ADGRB3: variants seen among roughly 807,000 people sequenced by gnomAD.
ADGRB3 encodes brain-specific angiogenesis inhibitor 3.
A neutral mutation model predicts 193.4 loss-of-function variants in ADGRB3; 37 were observed. The ratio of observed to expected loss-of-function variants is 0.19; its 90% CI spans 0.15 to 0.25. The LOEUF (loss-of-function observed/expected upper bound fraction) is 0.25. Ranked by LOEUF, ADGRB3 falls within the 10% of genes least tolerant of loss-of-function variation. The probability of loss-of-function intolerance (pLI) is 1.00; values close to 1 mark genes in which losing one functional copy is unlikely to be tolerated. For synonymous variants in ADGRB3, 690 were observed against 644.2 expected (o/e 1.07, Z -1.08); for missense variants, 1,637 against 1,852.9 (o/e 0.88, Z 2.14).
At chr6:68,829,608 A>T (rs1445243357) in intron 3 of ADGRB3, among the ~76,000 whole-genome samples, 2 of 152,176 alleles carry the variant, frequency 1.3e-5, no homozygotes, top group Admixed American at 1.3e-4. Flanking sequence ...ATTATTAAAT[A>T]TATTTTTAAC....
intron 3 of ADGRB3, among the ~76,000 whole-genome samples, chr6:68,653,137 A>T (rs185710602): frequency 1.3e-5 from 2 of 152,222 alleles, no homozygotes; most frequent in Admixed American, 1.3e-4. Flanking sequence ...TCTAGCATGG[A>T]TACCTGTACC....
intron 20 of ADGRB3, among the ~76,000 whole-genome samples, chr6:69,243,182 C>T (rs1287985447): frequency 1.3e-5 from 2 of 151,776 alleles, no homozygotes; most frequent in African/African-American, 4.8e-5. Context: ...TGGGAGATAG[C>T]TTCTCTCTCT....
At chr6:69,322,632 C>T (rs1768484143) in intron 20 of ADGRB3, among the ~76,000 whole-genome samples, 1 of 151,842 alleles carries the variant, frequency 6.6e-6, no homozygotes, top group South Asian at 2.1e-4. Flanking sequence ...TTTTCATACA[C>T]TTGTTGGCCG....
chr6:68,758,708 G>A (rs903480058), intron 3 of ADGRB3, among the ~76,000 whole-genome samples: 2 of 151,982 alleles, frequency 1.3e-5, no homozygotes, highest in African/African-American at 4.8e-5. Context: ...CATTTTTATA[G>A]CCCCTAGTTG....
At chr6:69,361,593 T>G in intron 29 of ADGRB3, 81 bp downstream of exon 29, 1 of 1,434,114 alleles carries the variant, frequency 7.0e-7, no homozygotes, top group Non-Finnish European at 9.4e-7. Context: ...GATTGGTTGA[T>G]TGATTGATGT....
At position 68,643,726 on chromosome 6, in the gene ADGRB3, C is replaced by G. The variant is rs1768138643; in HGVS notation, c.757+4294C>G. 1.3e-5 allele frequency among the ~76,000 whole-genome samples: 2 copies of G among 151,374 alleles called. 1 individual carries two copies. Among genetic ancestry groups the G allele is most frequent in the Admixed American group, 1.3e-4 (2 of 15,176 alleles). On this transcript the variant is annotated intron_variant, in intron 3 of 31. Transcript: ENST00000370598. Reference sequence around the variant, plus strand: ...AAGCGGGTGGACCATGAGGTCAGGACTTCAAGACCAGCCTGGCCAAGATGG... The same window carrying G: ...AAGCGGGTGGACCATGAGGTCAGGAGTTCAAGACCAGCCTGGCCAAGATGG...
intron 3 of ADGRB3, among the ~76,000 whole-genome samples, chr6:68,643,438 CT>C (rs765489730): frequency 1.5e-3 from 99 of 64,988 alleles, no homozygotes; most frequent in African/African-American, 3.5e-3. Flanking sequence ...CTTCATCTTC[CT>C]TTTTTTTTTT....
chr6:69,060,529 A>G (rs553094892), intron 15 of ADGRB3, among the ~76,000 whole-genome samples: 12 of 152,064 alleles, frequency 7.9e-5, no homozygotes, highest in Non-Finnish European at 1.6e-4. Flanking sequence ...CCAGTAATGT[A>G]TCCATTCATG....
intron 31 of ADGRB3, among the ~76,000 whole-genome samples, chr6:69,387,049 T>C (rs1770087755): frequency 6.6e-6 from 1 of 152,146 alleles, no homozygotes; most frequent in Non-Finnish European, 1.5e-5. Context: ...GATCCACACG[T>C]TCTGCCAACT....
intron 3 of ADGRB3, among the ~76,000 whole-genome samples, chr6:68,840,536 G>C (rs1166119837): frequency 2.0e-5 from 3 of 151,644 alleles, no homozygotes; most frequent in Non-Finnish European, 2.9e-5. Context: ...AGCTCGGACA[G>C]CCTGCCCCAA....
At chr6:68,930,078 A>G (rs1219473797) in intron 3 of ADGRB3, among the ~76,000 whole-genome samples, 1 of 151,868 alleles carries the variant, frequency 6.6e-6, no homozygotes, top group Non-Finnish European at 1.5e-5. Context: ...AAAAAAAAAA[A>G]AGGTAGTCTA....
Position 68,717,635 on chromosome 6 carries a change from C to G in ADGRB3, c.757+78203C>G, listed in dbSNP as rs142206748. 3.2e-3 allele frequency among the ~76,000 whole-genome samples: 477 copies of G among 151,240 alleles called. 4 individuals are homozygous for G. Among genetic ancestry groups the G allele is most frequent in the African/African-American group, 0.011 (468 of 41,324 alleles). On this transcript the variant is annotated intron_variant, in intron 3 of 31. Transcript: ENST00000370598. The stretch of plus-strand genomic sequence containing the variant: ...TTTTTTTTAAGAATTTCATGTACTT[C>G]TATTGATTCAAGTGTTCTTCATATC...
intron 31 of ADGRB3, among the ~76,000 whole-genome samples, chr6:69,385,882 C>T (rs988080592): frequency 5.9e-5 from 9 of 152,096 alleles, no homozygotes; most frequent in South Asian, 2.1e-4. Flanking sequence ...ACGCCCAACA[C>T]GCAGGACGAT....
chr6:69,172,791 G>T (rs1165619270), intron 17 of ADGRB3, among the ~76,000 whole-genome samples: 1 of 151,968 alleles, frequency 6.6e-6, no homozygotes, highest in Non-Finnish European at 1.5e-5. Flanking sequence ...TTGAGAAGCA[G>T]ACATTAGAGA....
At chr6:69,300,489 A>G (rs767255104) in intron 20 of ADGRB3, among the ~76,000 whole-genome samples, 3 of 151,838 alleles carry the variant, frequency 2.0e-5, no homozygotes, top group Non-Finnish European at 2.9e-5. Flanking sequence ...AGGGAAATAA[A>G]TAAAGGACTT....
At chr6:68,691,843 TA>T (rs1765081391) in intron 3 of ADGRB3, among the ~76,000 whole-genome samples, 1 of 5,936 alleles carries the variant, frequency 1.7e-4, no homozygotes, top group Non-Finnish European at 3.5e-4. Flanking sequence ...GAAGGACAAT[TA>T]TATATATATA....
chr6:69,246,812 C>T (rs1451636299), intron 20 of ADGRB3, among the ~76,000 whole-genome samples: 4 of 152,196 alleles, frequency 2.6e-5, no homozygotes, highest in African/African-American at 9.6e-5. Flanking sequence ...TTAGCTTCAA[C>T]TTCAAAGCCG....
intron 3 of ADGRB3, among the ~76,000 whole-genome samples, chr6:68,907,976 CTA>C (rs1766595249): frequency 6.6e-6 from 1 of 151,776 alleles, no homozygotes; most frequent in Non-Finnish European, 1.5e-5. Flanking sequence ...TTAATATTTT[CTA>C]TTTCTTCTTT....
intron 17 of ADGRB3, among the ~76,000 whole-genome samples, chr6:69,202,161 A>G (rs1379578749): frequency 6.6e-6 from 1 of 152,154 alleles, no homozygotes; most frequent in South Asian, 2.1e-4. Context: ...TAATGAGGCT[A>G]TGTTTTGGTC....
Sources: allele counts gnomAD v4.1 joint callset (sites outside exome capture counted in the v4.1 genomes callset), GRCh38; gene constraint gnomAD v4.1.1; transcripts MANE v1.5; gene names NCBI Gene and HGNC (gene_info 2026-07-23, HGNC 2026-07-21).